TSHZ2: variants seen among roughly 807,000 people sequenced by gnomAD.
The protein encoded by TSHZ2 is teashirt homolog 2.
Under a neutral mutation model 74.4 loss-of-function variants are expected in TSHZ2, and 21 were observed. The ratio of observed to expected loss-of-function variants is 0.28; its 90% confidence interval spans 0.20 to 0.41. The LOEUF (loss-of-function observed/expected upper bound fraction) is 0.41, where lower values mean the gene tolerates loss of function less well. TSHZ2 is among the 10% of genes least tolerant of loss of function. The pLI, the probability that TSHZ2 is intolerant of heterozygous loss-of-function variation, is 1.00. For missense variants in TSHZ2, 1,244 were observed against 1,293.5 expected (o/e 0.96, Z 0.59); for synonymous variants, 540 against 515.3 (o/e 1.05, Z -0.65).
At chr20:53,183,894 C>G (rs1217601000) in intron 1 of TSHZ2, among the ~76,000 whole-genome samples, 1 of 152,216 alleles carries the variant, frequency 6.6e-6, no homozygotes, top group Non-Finnish European at 1.5e-5. Context: ...ATCCACTTCT[C>G]TGGATGCTTT....
intron 1 of TSHZ2, among the ~76,000 whole-genome samples, chr20:53,067,279 GAAGT>G (rs770192081): frequency 1.3e-5 from 2 of 152,174 alleles, no homozygotes; most frequent in African/African-American, 4.8e-5. Flanking sequence ...AGGGAGGTGA[GAAGT>G]AACTCTTTAT....
At chr20:53,040,609 C>T (rs969473309) in intron 1 of TSHZ2, among the ~76,000 whole-genome samples, 1 of 151,920 alleles carries the variant, frequency 6.6e-6, no homozygotes, top group African/African-American at 2.4e-5. Context: ...CGTGTTCTTC[C>T]CTGTGCATTT....
At chr20:53,292,958 A>C (rs1247820790) in intron 2 of TSHZ2, among the ~76,000 whole-genome samples, 2 of 152,248 alleles carry the variant, frequency 1.3e-5, no homozygotes, top group African/African-American at 4.8e-5. Context: ...AATATGGAAT[A>C]ATCAGAGAAG....
At chr20:53,303,998 T>C (rs1436208834) in intron 2 of TSHZ2, among the ~76,000 whole-genome samples, 1 of 152,060 alleles carries the variant, frequency 6.6e-6, no homozygotes, top group Non-Finnish European at 1.5e-5. Context: ...TCATTGACCA[T>C]CCCCAACCTT....
intron 2 of TSHZ2, among the ~76,000 whole-genome samples, chr20:53,444,947 C>T (rs116949315): frequency 6.8e-4 from 104 of 152,326 alleles, no homozygotes; most frequent in Middle Eastern, 3.4e-3. Context: ...TTGCATGTAA[C>T]GAACATGTCT....
At chr20:53,067,238 C>T (rs756828784) in intron 1 of TSHZ2, among the ~76,000 whole-genome samples, 8 of 152,144 alleles carry the variant, frequency 5.3e-5, no homozygotes, top group African/African-American at 1.9e-4. Flanking sequence ...CCCCCTTGCC[C>T]CCCATCACAT....
At chr20:53,108,838 G>T (rs1292434638) in intron 1 of TSHZ2, among the ~76,000 whole-genome samples, 2 of 152,120 alleles carry the variant, frequency 1.3e-5, no homozygotes, top group South Asian at 4.1e-4. Context: ...AAGCAAACAG[G>T]CTGCTGAGTC....
At chr20:53,293,749 G>A (rs1245079287) in intron 2 of TSHZ2, among the ~76,000 whole-genome samples, 1 of 151,544 alleles carries the variant, frequency 6.6e-6, no homozygotes, top group Non-Finnish European at 1.5e-5. Context: ...CAGGCATGGT[G>A]GCTCACACCT....
At chr20:53,412,048 TC>T (rs1359417984) in intron 2 of TSHZ2, among the ~76,000 whole-genome samples, 3 of 152,142 alleles carry the variant, frequency 2.0e-5, no homozygotes, top group African/African-American at 7.2e-5. Flanking sequence ...GAATAAACAT[TC>T]CCCTCCCTTG....
intron 2 of TSHZ2, among the ~76,000 whole-genome samples, chr20:53,287,316 C>G (rs1991186615): frequency 6.6e-6 from 1 of 152,178 alleles, no homozygotes; most frequent in Non-Finnish European, 1.5e-5. Context: ...CTTTCCCACT[C>G]TACCTTGAGC....
At chr20:53,001,216 G>GTGTGTGTGTGTGTGTGTGTGTGTA (rs1982409090) in intron 1 of TSHZ2, among the ~76,000 whole-genome samples, 3 of 142,570 alleles carry the variant, frequency 2.1e-5, no homozygotes, top group African/African-American at 8.2e-5. Context: ...GTGTGTGTGT[G>GTGTGTGTGTGTGTGTGTGTGTGTA]TGTGTGTGTG....
Position 53,256,459 on chromosome 20 carries a change from C to A in TSHZ2, c.3001C>A (p.Arg1001=). Residue 1001 remains arginine, a synonymous_variant, in exon 2 of 3, where the codon CGG becomes AGG. Coordinates refer to ENST00000371497, the MANE Select transcript of TSHZ2 (RefSeq NM_173485.6). This position sits in a 1 kb window ranked among gnomAD's most constrained non-coding sequence, Gnocchi z 4.3. The stretch of plus-strand genomic sequence containing the variant: ...TAAATTCAAGTGTAAGTTGTGCTGT[C>A]GGACATTTGTGAGCAAACATGCGGT... ...DSKFKCKLCC[R]TFVSKHAVKL... 1 of 1,614,070 alleles carries A rather than the reference C, an allele frequency of 6.2e-7. No individual in the cohort carries two copies. Among genetic ancestry groups the A allele is most frequent in the Non-Finnish European group, 8.5e-7 (1 of 1,179,954 alleles).
At chr20:53,398,918 A>C (rs1361460599) in intron 2 of TSHZ2, 1 of 123,924 alleles carries the variant, frequency 8.1e-6, no homozygotes. Flanking sequence ...CCTTACACAT[A>C]GTAAGTGCTC....
At chr20:53,164,859 A>G (rs1356579152) in intron 1 of TSHZ2, among the ~76,000 whole-genome samples, 1 of 152,222 alleles carries the variant, frequency 6.6e-6, no homozygotes, top group African/African-American at 2.4e-5. Flanking sequence ...TCCATAAGGA[A>G]TTCTATAAAA....
At chr20:53,083,246 T>C (rs1985590967) in intron 1 of TSHZ2, among the ~76,000 whole-genome samples, 1 of 152,246 alleles carries the variant, frequency 6.6e-6, no homozygotes, top group African/African-American at 2.4e-5. Context: ...ACCATGCCTT[T>C]GAGTTTTCCA....
At chr20:53,355,002 A>G (rs1387350966) in intron 2 of TSHZ2, among the ~76,000 whole-genome samples, 2 of 152,132 alleles carry the variant, frequency 1.3e-5, no homozygotes, top group South Asian at 2.1e-4. Context: ...TTTAGTCATT[A>G]TATGGATTCC....
At chr20:53,213,303 GCT>G (rs1989356535) in intron 1 of TSHZ2, among the ~76,000 whole-genome samples, 1 of 151,970 alleles carries the variant, frequency 6.6e-6, no homozygotes, top group East Asian at 1.9e-4. Context: ...GTACCTTTTG[GCT>G]CTCTCTGAAG....
chr20:53,030,021 C>T (rs1257189564), intron 1 of TSHZ2, among the ~76,000 whole-genome samples: 6 of 152,204 alleles, frequency 3.9e-5, no homozygotes, highest in African/African-American at 7.2e-5. Flanking sequence ...ACATCTGTGA[C>T]GCACCTACTA....
At chr20:53,178,548 G>A (rs548230309) in intron 1 of TSHZ2, 1 of 152,304 alleles carries the variant, frequency 6.6e-6, no homozygotes, top group Non-Finnish European at 1.5e-5. Flanking sequence ...TGAGTGAGAG[G>A]TGGAGAAGGA....
Sources: gnomAD v4.1 joint callset for allele counts (sites outside exome capture counted in the v4.1 genomes callset) on GRCh38, gnomAD v4.1.1 for gene constraint, Gnocchi (gnomAD v3.1) non-coding constraint, MANE v1.5 for transcripts, NCBI Gene and HGNC (gene_info 2026-07-23, HGNC 2026-07-21) for gene names.